Variants in NTN4 observed in about 807,000 individuals in gnomAD.
NTN4 encodes netrin 4.
NTN4 carries 32 observed loss-of-function variants against 73.6 expected under a neutral mutation model. That is an observed-to-expected ratio of 0.44 (90% confidence interval 0.33 to 0.58). The LOEUF is 0.58. Among genes scored for constraint, NTN4 ranks in the 20% least tolerant of loss-of-function variants. NTN4 has a pLI of 0.04. For synonymous variants in NTN4, 258 were observed against 287.5 expected, an observed-to-expected ratio of 0.90 and a Z score of 1.04; for missense variants, 654 against 798.3, an observed-to-expected ratio of 0.82 and a Z score of 2.18.
intron 2 of NTN4, among the ~76,000 whole-genome samples, chr12:95,773,758 T>C (rs75711218): frequency 0.058 from 8,851 of 152,198 alleles, 509 homozygotes; most frequent in African/African-American, 0.14. Context: ...CTTATCACTA[T>C]GTAGCATTCT....
chr12:95,729,123 G>A (rs2121144393), intron 3 of NTN4, among the ~76,000 whole-genome samples: 1 of 152,222 alleles, frequency 6.6e-6, no homozygotes, highest in Admixed American at 6.5e-5. Flanking sequence ...TGCAAGAACA[G>A]ACTAATACAT....
chr12:95,687,176 C>CATCATT (rs1555214812), intron 5 of NTN4, among the ~76,000 whole-genome samples: 2 of 151,770 alleles, frequency 1.3e-5, no homozygotes, highest in East Asian at 1.9e-4. Flanking sequence ...CACAGTGCAT[C>CATCATT]ATTATTATTT....
intron 3 of NTN4, among the ~76,000 whole-genome samples, chr12:95,720,251 G>A (rs11108211): frequency 0.09 from 13,764 of 152,174 alleles, 1,306 homozygotes; most frequent in East Asian, 0.57. Context: ...GGGACTTCCC[G>A]GAGGAGGGAA....
In NTN4 at chr12:95,789,840, A is replaced by G. The variant is rs2079195224; in HGVS notation, c.55+415T>C. 1 of 168,842 alleles carries G rather than the reference A, an allele frequency of 5.9e-6. No individual in the cohort carries two copies. The highest frequency in any genetic ancestry group is 2.4e-5 in the African/African-American group (1 of 42,170). The allele number at this position is 168,842 out of a possible 1,614,324, so 10.5% of individuals were successfully genotyped here. On this transcript the variant is annotated intron_variant, in intron 1 of 9. Transcript: ENST00000343702. This position sits in a 1 kb window ranked among gnomAD's most constrained non-coding sequence, Gnocchi z 4.0. ...GGGACACCAGCGATGGGCTTCTACC[A>G]GAGACCGGCCCCAGCCCACGCGCGC...
intron 8 of NTN4, among the ~76,000 whole-genome samples, chr12:95,668,312 T>C (rs2120932816): frequency 6.6e-6 from 1 of 152,284 alleles, no homozygotes; most frequent in East Asian, 1.9e-4. Context: ...GATTGGTTAT[T>C]TGTAAATTCA....
intron 9 of NTN4, chr12:95,663,658 A>G (rs1326502022): frequency 1.3e-5 from 2 of 152,258 alleles, no homozygotes; most frequent in African/African-American, 4.8e-5. Context: ...AAAACAAAGT[A>G]AAATGAAAGA....
At chr12:95,665,109 T>C (rs963207213) in intron 9 of NTN4, among the ~76,000 whole-genome samples, 5 of 152,120 alleles carry the variant, frequency 3.3e-5, no homozygotes, top group Non-Finnish European at 5.9e-5. Context: ...ATCCTCAAAT[T>C]TGATGAGGGA....
intron 3 of NTN4, among the ~76,000 whole-genome samples, chr12:95,731,115 T>C (rs12372014): frequency 0.17 from 25,777 of 152,254 alleles, 2,478 homozygotes; most frequent in Non-Finnish European, 0.22. Context: ...TTGGAGCCAT[T>C]TCACTAGTTG....
chr12:95,716,478 G>A (rs2078606057), intron 3 of NTN4, among the ~76,000 whole-genome samples: 1 of 152,166 alleles, frequency 6.6e-6, no homozygotes, highest in African/African-American at 2.4e-5. Flanking sequence ...TGTAAGCAAT[G>A]CAGATCCATT....
intron 2 of NTN4, among the ~76,000 whole-genome samples, chr12:95,767,330 T>C (rs1045557897): frequency 6.6e-6 from 1 of 152,216 alleles, no homozygotes; most frequent in Non-Finnish European, 1.5e-5. Flanking sequence ...AGGAATATAC[T>C]ATAATGAGGT....
intron 2 of NTN4, among the ~76,000 whole-genome samples, chr12:95,776,877 A>C (rs2079097082): frequency 6.6e-6 from 1 of 152,202 alleles, no homozygotes; most frequent in Non-Finnish European, 1.5e-5. Flanking sequence ...CCCAAAGTTG[A>C]AATGAAGGAA....
intron 5 of NTN4, among the ~76,000 whole-genome samples, chr12:95,684,818 T>C (rs1276354639): frequency 1.3e-5 from 2 of 152,228 alleles, no homozygotes; most frequent in East Asian, 3.8e-4. Flanking sequence ...TCTGGGCTTA[T>C]CACAAATTCG....
At chr12:95,660,180 A>C (rs2078125983) in intron 9 of NTN4, among the ~76,000 whole-genome samples, 1 of 151,994 alleles carries the variant, frequency 6.6e-6, no homozygotes, top group Admixed American at 6.6e-5. Flanking sequence ...TGCCTGGCTA[A>C]TTTTTGTTAT....
intron 3 of NTN4, among the ~76,000 whole-genome samples, chr12:95,722,623 G>A (rs2078657029): frequency 6.6e-6 from 1 of 151,188 alleles, no homozygotes; most frequent in Non-Finnish European, 1.5e-5. Context: ...ACCTTGTCTC[G>A]AAAAACAAAA....
intron 2 of NTN4, among the ~76,000 whole-genome samples, chr12:95,765,251 T>A (rs1054236176): frequency 6.6e-6 from 1 of 152,218 alleles, no homozygotes; most frequent in Non-Finnish European, 1.5e-5. Context: ...TCAAACTAAA[T>A]ATGGAATGAA....
Position 95,710,555 on chromosome 12 carries a change from C to G in NTN4, c.1066G>C (p.Gly356Arg). The G allele has an allele frequency of 6.2e-7, 1 of 1,614,162 alleles. No homozygotes were observed. Among genetic ancestry groups the G allele is most frequent in the South Asian group, 1.1e-5 (1 of 91,086 alleles). ...NVWEASGNRS[G>R]GVCDDCQHNT... Reference sequence around the variant, plus strand: ...TGCTGACAGTCATCACAGACACCACCACTACGATTCCCTGATGCCTCCCAC... The same window carrying G: ...TGCTGACAGTCATCACAGACACCACGACTACGATTCCCTGATGCCTCCCAC... Residue 356 changes from glycine to arginine, a missense_variant, in exon 5 of 10, where the codon GGT becomes CGT. Coordinates refer to ENST00000343702, the MANE Select transcript of NTN4 (RefSeq NM_021229.4).
intron 5 of NTN4, among the ~76,000 whole-genome samples, chr12:95,693,646 G>A (rs1472673243): frequency 2.0e-5 from 3 of 150,128 alleles, no homozygotes; most frequent in Non-Finnish European, 3.0e-5. Flanking sequence ...CAGGAGAATC[G>A]CTTGAACCTG....
intron 3 of NTN4, among the ~76,000 whole-genome samples, chr12:95,723,250 G>A (rs149272857): frequency 9.9e-5 from 15 of 151,634 alleles, no homozygotes; most frequent in African/African-American, 3.4e-4. Flanking sequence ...TCCTGCTGTC[G>A]GGGAAAAATA....
intron 3 of NTN4, among the ~76,000 whole-genome samples, chr12:95,716,547 CTCTT>C (rs947638828): frequency 1.2e-4 from 19 of 152,022 alleles, no homozygotes; most frequent in Non-Finnish European, 2.5e-4. Flanking sequence ...TTCTTTTCTT[CTCTT>C]TTTTTAAAAA....
Sources: allele counts gnomAD v4.1 joint callset (sites outside exome capture counted in the v4.1 genomes callset), GRCh38; gene constraint gnomAD v4.1.1; non-coding constraint Gnocchi (gnomAD v3.1); transcripts MANE v1.5; gene names NCBI Gene and HGNC (gene_info 2026-07-23, HGNC 2026-07-21).